The following RBFOX1 variants were observed in gnomAD, a reference collection of about 807,000 sequenced individuals.
RBFOX1 encodes RNA binding protein fox-1 homolog 1.
A neutral mutation model predicts 57.7 loss-of-function variants in RBFOX1; 8 were observed. That is an observed-to-expected ratio of 0.14 (90% CI 0.08 to 0.25). The LOEUF (loss-of-function observed/expected upper bound fraction) is 0.25, where lower values mean the gene tolerates loss of function less well. RBFOX1 is among the 10% of genes least tolerant of loss of function. RBFOX1 has a pLI of 1.00. For missense variants in RBFOX1, 611 were observed against 548.5 expected, an observed-to-expected ratio of 1.11 and a Z score of -1.14; for synonymous variants, 326 against 222.4, an observed-to-expected ratio of 1.47 and a Z score of -4.15.
At chr16:6,170,439 C>T (rs1005714317) in intron 1 of RBFOX1, among the ~76,000 whole-genome samples, 1 of 152,104 alleles carries the variant, frequency 6.6e-6, no homozygotes, top group Non-Finnish European at 1.5e-5. Context: ...GAATTGTGGG[C>T]TCCTCTTCTG....
chr16:7,208,782 A>G (rs542732004), intron 4 of RBFOX1, among the ~76,000 whole-genome samples: 213 of 152,322 alleles, frequency 1.4e-3, no homozygotes, highest in Middle Eastern at 6.8e-3. Flanking sequence ...GGCTACAGTG[A>G]GCTGTGATTG....
chr16:7,012,141 T>C (rs1475631708), intron 3 of RBFOX1, among the ~76,000 whole-genome samples: 2 of 152,186 alleles, frequency 1.3e-5, no homozygotes, highest in South Asian at 2.1e-4. Context: ...AGAATAATCA[T>C]AGGATGAGAC....
At chr16:6,947,211 T>A (rs1362422858) in intron 3 of RBFOX1, among the ~76,000 whole-genome samples, 1 of 152,206 alleles carries the variant, frequency 6.6e-6, no homozygotes, top group Non-Finnish European at 1.5e-5. Context: ...AGTTTATGGC[T>A]GTCTTTTAGG....
At chr16:7,428,507 T>G (rs1343378297) in intron 4 of RBFOX1, among the ~76,000 whole-genome samples, 1 of 137,392 alleles carries the variant, frequency 7.3e-6, no homozygotes, top group African/African-American at 2.9e-5. Flanking sequence ...ATTATTATTA[T>G]TATTATTATT....
chr16:5,390,081 C>T (rs2066362944), intron 1 of RBFOX1, among the ~76,000 whole-genome samples: 2 of 152,186 alleles, frequency 1.3e-5, no homozygotes, highest in East Asian at 3.9e-4. Flanking sequence ...GACATGCCTA[C>T]AGAAGAAATG....
At chr16:7,514,412 T>A (rs2075888506) in intron 4 of RBFOX1, among the ~76,000 whole-genome samples, 1 of 152,178 alleles carries the variant, frequency 6.6e-6, no homozygotes, top group Non-Finnish European at 1.5e-5. Flanking sequence ...ATGTCCACTT[T>A]GCAGCTAGTA....
chr16:6,956,731 C>A (rs937656145), intron 3 of RBFOX1, among the ~76,000 whole-genome samples: 16 of 152,332 alleles, frequency 1.1e-4, no homozygotes, highest in Admixed American at 1.0e-3. Context: ...AATTTAATAT[C>A]ATCTTCGATG....
At chr16:5,855,809 G>C (rs2057010747) in intron 3 of RBFOX1, among the ~76,000 whole-genome samples, 1 of 151,794 alleles carries the variant, frequency 6.6e-6, no homozygotes, top group African/African-American at 2.4e-5. Flanking sequence ...ATCACTTTGG[G>C]TTGTATGGAT....
At chr16:6,686,976 T>G (rs145145743) in intron 3 of RBFOX1, among the ~76,000 whole-genome samples, 1 of 152,214 alleles carries the variant, frequency 6.6e-6, no homozygotes, top group Admixed American at 6.5e-5. Context: ...AAATACTCAT[T>G]ATATATAACA....
chr16:7,174,569 T>C (rs2081297626), intron 4 of RBFOX1, among the ~76,000 whole-genome samples: 1 of 152,122 alleles, frequency 6.6e-6, no homozygotes, highest in Non-Finnish European at 1.5e-5. Flanking sequence ...TCACTTGAGG[T>C]CAGGAGTTTG....
chr16:6,801,992 C>T (rs2085576920), intron 3 of RBFOX1, among the ~76,000 whole-genome samples: 1 of 151,970 alleles, frequency 6.6e-6, no homozygotes, highest in South Asian at 2.1e-4. Flanking sequence ...TTGTCTCGTG[C>T]TAATCATGGA....
intron 1 of RBFOX1, among the ~76,000 whole-genome samples, chr16:6,048,766 A>G (rs573060772): frequency 3.9e-5 from 6 of 152,310 alleles, no homozygotes; most frequent in African/African-American, 1.4e-4. Context: ...AGAGGTAGGT[A>G]TGGTTTTCGT....
chr16:6,258,310 G>T (rs1408061939), intron 1 of RBFOX1, among the ~76,000 whole-genome samples: 2 of 151,820 alleles, frequency 1.3e-5, no homozygotes, highest in Non-Finnish European at 2.9e-5. Flanking sequence ...AAGCTACAAT[G>T]ACAGCAAAGA....
intron 4 of RBFOX1, among the ~76,000 whole-genome samples, chr16:7,152,878 C>T (rs931710068): frequency 6.6e-6 from 1 of 152,214 alleles, no homozygotes; most frequent in East Asian, 1.9e-4. Context: ...ATTTGCAAGA[C>T]TCAAGTGGAC....
rs563411418 is a variant in RBFOX1 at position 6,619,900 on chromosome 16, C to T, written c.-63-34703C>T. Among the ~76,000 whole-genome samples, 39 of 152,184 alleles carry T rather than the reference C, an allele frequency of 2.6e-4. 1 individual carries two copies. Among genetic ancestry groups the T allele is most frequent in the African/African-American group, 9.2e-4 (38 of 41,514 alleles). The stretch of plus-strand genomic sequence containing the variant: ...ATAGGCCGCAGTTTGTGTTGTTCCC[C>T]TCTGTGTGTCCACGTGTTCTCATGG... On this transcript the variant is annotated intron_variant, in intron 2 of 15. Coordinates refer to ENST00000550418, the MANE Select transcript of RBFOX1 (RefSeq NM_018723.4).
chr16:6,778,176 A>G (rs1426902567), intron 3 of RBFOX1, among the ~76,000 whole-genome samples: 3 of 152,166 alleles, frequency 2.0e-5, no homozygotes, highest in African/African-American at 2.4e-5. Context: ...CAAAGATCAC[A>G]CAATCGATTA....
intron 1 of RBFOX1, among the ~76,000 whole-genome samples, chr16:5,363,298 G>C (rs1380081321): frequency 6.6e-6 from 1 of 151,672 alleles, no homozygotes. Context: ...ACCTTCCTTG[G>C]TCTCCCAAAG....
At position 6,429,562 on chromosome 16, in the gene RBFOX1, G is replaced by T. The variant is rs73538135; in HGVS notation, c.-64+112505G>T. ...ATGTCAATGCCTGCTGATATGGTTT[G>T]GCTGTGTCCCCACCCAAATCTCATT... On this transcript the variant is annotated intron_variant, in intron 2 of 15. Transcript: ENST00000550418. 9.0e-3 allele frequency among the ~76,000 whole-genome samples: 1,377 copies of T among 152,208 alleles called. 25 individuals are homozygous for T. Among genetic ancestry groups the T allele is most frequent in the African/African-American group, 0.031 (1,290 of 41,492 alleles).
chr16:6,532,389 G>C (rs1192675887), intron 2 of RBFOX1, among the ~76,000 whole-genome samples: 5 of 152,098 alleles, frequency 3.3e-5, no homozygotes, highest in Non-Finnish European at 7.4e-5. Context: ...AGCTGCCCTA[G>C]GCTGTACTCC....
Sources: gnomAD v4.1 joint callset for allele counts (sites outside exome capture counted in the v4.1 genomes callset) on GRCh38, gnomAD v4.1.1 for gene constraint, MANE v1.5 for transcripts, NCBI Gene and HGNC (gene_info 2026-07-23, HGNC 2026-07-21) for gene names.